ELMO1: variants seen among roughly 807,000 people sequenced by gnomAD.
ELMO1 encodes engulfment and cell motility 1, also known as engulfment and cell motility protein 1.
ELMO1 carries 26 observed loss-of-function variants against 98.9 expected under a neutral mutation model. The observed-to-expected ratio is 0.26, with a 90% CI of 0.19 to 0.36. The LOEUF is 0.36. ELMO1 is among the 10% of genes least tolerant of loss of function. The pLI is 1.00. For missense variants in ELMO1, 627 were observed against 935.2 expected (o/e 0.67, Z 4.30); for synonymous variants, 346 against 346.0 (o/e 1.00, Z 0.00).
rs556714622 is a variant in ELMO1 at position 37,381,271 on chromosome 7, C to T, written c.-73-38508G>A. Reference sequence around the variant, plus strand: ...CCCAGATAATGTCCAACTTCACAGTCCGTGTCATTCATAAGACAACTATTA... The same window carrying T: ...CCCAGATAATGTCCAACTTCACAGTTCGTGTCATTCATAAGACAACTATTA... On this transcript the variant is annotated intron_variant, in intron 1 of 21. Coordinates refer to ENST00000310758, the MANE Select transcript of ELMO1 (RefSeq NM_014800.11). Among the ~76,000 whole-genome samples, 3 of 152,326 alleles carry T rather than the reference C, an allele frequency of 2.0e-5. No homozygotes were observed. In the East Asian group the frequency reaches 5.8e-4, roughly 29 times the overall value.
Position 37,342,205 on chromosome 7 carries a change from T to C in ELMO1, c.78+408A>G, listed in dbSNP as rs1800755211. 6.6e-6 allele frequency among the ~76,000 whole-genome samples: 1 copy of C among 152,184 alleles called. No homozygotes were observed. The highest frequency in any genetic ancestry group is 2.1e-4 in the South Asian group (1 of 4,830). On this transcript the variant is annotated intron_variant, in intron 2 of 21. Coordinates refer to ENST00000310758, the MANE Select transcript of ELMO1 (RefSeq NM_014800.11). The surrounding 1 kb of genome is among the most constrained non-coding windows in gnomAD (Gnocchi z 4.3). ...TTAATATAACAAAGTACCAATGCAT[T>C]TGGCTGCTTCTGCAAAAAATGAAAA... is the stretch of plus-strand genomic sequence containing the variant.
chr7:37,079,952 T>A (rs1379537928), intron 15 of ELMO1, among the ~76,000 whole-genome samples: 1 of 152,170 alleles, frequency 6.6e-6, no homozygotes, highest in African/African-American at 2.4e-5. Context: ...CAGACACATA[T>A]ATCCAACTAT....
chr7:37,423,361 C>A (rs534648637), intron 1 of ELMO1, among the ~76,000 whole-genome samples: 2 of 152,304 alleles, frequency 1.3e-5, no homozygotes, highest in African/African-American at 4.8e-5. Context: ...GGGAGGATCA[C>A]CTGAGGTCAG....
At chr7:36,927,337 T>C (rs1233985813) in intron 16 of ELMO1, among the ~76,000 whole-genome samples, 1 of 152,228 alleles carries the variant, frequency 6.6e-6, no homozygotes, top group Admixed American at 6.5e-5. Context: ...TAGAAACAAC[T>C]AGCGAAATCA....
chr7:37,187,560 C>T (rs1050152102), intron 13 of ELMO1, among the ~76,000 whole-genome samples: 5 of 152,152 alleles, frequency 3.3e-5, no homozygotes, highest in Admixed American at 6.5e-5. Flanking sequence ...CTTCTAATAA[C>T]ATATTATGCT....
intron 16 of ELMO1, among the ~76,000 whole-genome samples, chr7:37,008,029 T>A (rs1270093264): frequency 6.6e-6 from 1 of 152,228 alleles, no homozygotes; most frequent in Non-Finnish European, 1.5e-5. Context: ...TTTATTATGC[T>A]GCTAGATAAA....
chr7:37,106,734 T>A (rs1176742455), intron 14 of ELMO1, among the ~76,000 whole-genome samples: 8 of 152,234 alleles, frequency 5.3e-5, no homozygotes, highest in Non-Finnish European at 1.0e-4. Context: ...TGTGGTATCA[T>A]TAAGGCAGAA....
intron 4 of ELMO1, among the ~76,000 whole-genome samples, chr7:37,312,480 A>G (rs1798940972): frequency 6.6e-6 from 1 of 152,218 alleles, no homozygotes; most frequent in Admixed American, 6.5e-5. Context: ...AATAGGCCCC[A>G]GGGCTGTTTC....
chr7:37,421,321 G>A (rs1401312981), intron 1 of ELMO1, among the ~76,000 whole-genome samples: 2 of 152,098 alleles, frequency 1.3e-5, no homozygotes, highest in Non-Finnish European at 2.9e-5. Context: ...CCAGTTTGAC[G>A]TTCTTTCTAC....
chr7:37,176,519 G>C (rs1054789725), intron 13 of ELMO1, among the ~76,000 whole-genome samples: 8 of 152,110 alleles, frequency 5.3e-5, no homozygotes, highest in Non-Finnish European at 1.2e-4. Context: ...CTAGAACATT[G>C]AATGTCCAGT....
intron 13 of ELMO1, 81 bp downstream of exon 13, chr7:37,211,305 C>G (rs914666030): frequency 6.3e-7 from 1 of 1,599,628 alleles, no homozygotes; most frequent in Non-Finnish European, 8.5e-7. Context: ...ACCACACGCT[C>G]GGAAGAGACA....
chr7:36,882,440 T>G (rs941777307), intron 18 of ELMO1, among the ~76,000 whole-genome samples: 5 of 152,368 alleles, frequency 3.3e-5, no homozygotes, highest in Middle Eastern at 3.4e-3. Context: ...GGGAAACAAC[T>G]ATTGATACAG....
intron 13 of ELMO1, among the ~76,000 whole-genome samples, chr7:37,190,640 G>A (rs150031153): frequency 6.0e-4 from 92 of 152,070 alleles, no homozygotes; most frequent in Middle Eastern, 3.4e-3. Flanking sequence ...TGGGATTACG[G>A]GCACCCTGCC....
intron 13 of ELMO1, 45 bp downstream of exon 13, chr7:37,211,341 C>T (rs780853816): frequency 2.0e-5 from 33 of 1,612,870 alleles, no homozygotes; most frequent in South Asian, 1.5e-4. Context: ...AGGTCAGGCC[C>T]GGGGAGGCTG....
In ELMO1 at chr7:37,240,249, G is replaced by T. The variant is rs182085557; in HGVS notation, c.449+4107C>A. On this transcript the variant is annotated intron_variant, in intron 7 of 21. Coordinates refer to ENST00000310758, the MANE Select transcript of ELMO1 (RefSeq NM_014800.11). ...AGATAGGTTTTTGCCATGTTACCCA[G>T]GCTGGTCTTGAACTGCTGGGCTCAA... is the stretch of plus-strand genomic sequence containing the variant. Among the ~76,000 whole-genome samples the T allele has an allele frequency of 2.5e-3, 381 of 151,910 alleles. 4 individuals carry two copies. Among genetic ancestry groups the T allele is most frequent in the Non-Finnish European group, 3.6e-3 (246 of 67,942 alleles).
chr7:37,448,469 C>T (rs1362470112), intron 1 of ELMO1, among the ~76,000 whole-genome samples: 1 of 152,116 alleles, frequency 6.6e-6, no homozygotes, highest in Non-Finnish European at 1.5e-5. Flanking sequence ...AGCGCCCCGA[C>T]GCGCCCGCAG....
chr7:36,921,768 G>A (rs1021058529), intron 16 of ELMO1, among the ~76,000 whole-genome samples: 1 of 152,120 alleles, frequency 6.6e-6, no homozygotes, highest in African/African-American at 2.4e-5. Context: ...TCTCAATTAT[G>A]GCAGTCTTTT....
intron 13 of ELMO1, among the ~76,000 whole-genome samples, chr7:37,151,053 G>A (rs1376067498): frequency 5.9e-5 from 9 of 152,222 alleles, no homozygotes; most frequent in African/African-American, 1.2e-4. Flanking sequence ...TCAGCCCTCT[G>A]CAGTCAGTGT....
intron 1 of ELMO1, among the ~76,000 whole-genome samples, chr7:37,391,128 T>C (rs1437227887): frequency 6.6e-6 from 1 of 151,490 alleles, no homozygotes; most frequent in Non-Finnish European, 1.5e-5. Flanking sequence ...CTTTCTTTTG[T>C]ATTTTTGAGA....
Sources: allele counts gnomAD v4.1 joint callset (sites outside exome capture counted in the v4.1 genomes callset), GRCh38; gene constraint gnomAD v4.1.1; non-coding constraint Gnocchi (gnomAD v3.1); transcripts MANE v1.5; gene names NCBI Gene and HGNC (gene_info 2026-07-23, HGNC 2026-07-21).